The following LARP1 variants were observed in gnomAD, a reference collection of about 807,000 sequenced individuals.
The protein encoded by LARP1 is La ribonucleoprotein 1, translational regulator.
A neutral mutation model predicts 122.7 loss-of-function variants in LARP1; 36 were observed. That is an observed-to-expected ratio of 0.29 (90% confidence interval 0.22 to 0.39). The LOEUF is 0.39. Ranked by LOEUF, LARP1 falls within the 10% of genes least tolerant of loss-of-function variation. The pLI is 1.00. For synonymous variants in LARP1, 539 were observed against 528.7 expected (o/e 1.02, Z -0.27); for missense variants, 1,040 against 1,403.6 (o/e 0.74, Z 4.14).
chr5:154,801,130 T>TA (rs1300349193), intron 10 of LARP1, among the ~76,000 whole-genome samples: 1 of 152,244 alleles, frequency 6.6e-6, no homozygotes, highest in African/African-American at 2.4e-5. Context: ...TTTGAATAAA[T>TA]ACTGTGGGTT....
chr5:154,779,264 G>A (rs1756198195), intron 1 of LARP1, among the ~76,000 whole-genome samples: 1 of 152,124 alleles, frequency 6.6e-6, no homozygotes, highest in South Asian at 2.1e-4. Flanking sequence ...TCTCATTGAT[G>A]TGTGGCCCAG....
chr5:154,766,097 G>GA (rs2113629670), intron 1 of LARP1, among the ~76,000 whole-genome samples: 1 of 152,346 alleles, frequency 6.6e-6, no homozygotes, highest in South Asian at 2.1e-4. Flanking sequence ...AGAGAACTCA[G>GA]TTTTGGTTGA....
intron 1 of LARP1, among the ~76,000 whole-genome samples, chr5:154,745,023 T>A: frequency 6.6e-6 from 1 of 151,100 alleles, no homozygotes; most frequent in East Asian, 2.0e-4. Flanking sequence ...ACCTCCCGGG[T>A]TGAAGCGATC....
intron 1 of LARP1, among the ~76,000 whole-genome samples, chr5:154,772,887 G>A (rs753946949): frequency 4.0e-5 from 6 of 151,206 alleles, no homozygotes; most frequent in African/African-American, 7.3e-5. Flanking sequence ...GGGTTTTTCC[G>A]TGTCGGTCAG....
At chr5:154,707,771 CACCCAAAGTGGGTTGCTT>C (rs1488168284) in intron 1 of LARP1, among the ~76,000 whole-genome samples, 3 of 152,138 alleles carry the variant, frequency 2.0e-5, no homozygotes, top group Admixed American at 6.6e-5. Flanking sequence ...GAGATAGTGA[CACCCAAAGTGGGTTGCTT>C]ATGTCCAGTC....
intron 14 of LARP1, chr5:154,805,040 G>A (rs2113846818): frequency 2.6e-6 from 1 of 387,522 alleles, no homozygotes; most frequent in Admixed American, 3.1e-5. Flanking sequence ...ATTAGCACAT[G>A]TTTTGCATAT....
At chr5:154,712,880 C>A in exon 1 of LARP1, 1 of 1,566,266 alleles carries the variant, frequency 6.4e-7, no homozygotes, top group Non-Finnish European at 8.8e-7. Context: ...CTGGATGTAC[C>A]TAAACCCTCC....
At chr5:154,779,250 T>G (rs1199737223) in intron 1 of LARP1, among the ~76,000 whole-genome samples, 1 of 152,208 alleles carries the variant, frequency 6.6e-6, no homozygotes, top group Non-Finnish European at 1.5e-5. Context: ...CCTAGTTGCT[T>G]GGCTCTCATT....
intron 1 of LARP1, among the ~76,000 whole-genome samples, chr5:154,744,703 T>G (rs2113478014): frequency 1.0e-5 from 1 of 99,750 alleles, no homozygotes; most frequent in East Asian, 2.9e-4. Flanking sequence ...AGTGGCGGGA[T>G]CTCGGCTCAC....
At chr5:154,769,620 G>T (rs1471514192) in intron 1 of LARP1, among the ~76,000 whole-genome samples, 1 of 152,178 alleles carries the variant, frequency 6.6e-6, no homozygotes, top group African/African-American at 2.4e-5. Context: ...GTTAAGGGAT[G>T]GGCTTGCCAG....
chr5:154,812,299 A>G (rs1218855906), intron 18 of LARP1, among the ~76,000 whole-genome samples: 1 of 152,210 alleles, frequency 6.6e-6, no homozygotes, highest in East Asian at 1.9e-4. Context: ...CTAGCCCTTA[A>G]CATTTTGTAT....
chr5:154,817,378 A>G lies in LARP1; in HGVS notation c.*3282A>G, dbSNP rs775914636. ...AGGTTCCACCTTACGCTCGTAGTAC[A>G]TTATCTTTACTATGTGCTAGGATAT... On this transcript the variant is annotated 3_prime_UTR_variant, in exon 19 of 19. Transcript: ENST00000518297. 6.6e-6 allele frequency: 1 copy of G among 152,652 alleles called. No individual in the cohort carries two copies. Among genetic ancestry groups the G allele is most frequent in the Non-Finnish European group, 1.5e-5 (1 of 68,044 alleles). 9.5% of individuals were successfully genotyped at this position (152,652 alleles called of 1,614,324 possible).
chr5:154,698,189 A>G (rs1371215849), intron 1 of LARP1, among the ~76,000 whole-genome samples: 2 of 152,220 alleles, frequency 1.3e-5, no homozygotes, highest in Non-Finnish European at 2.9e-5. Context: ...TTCAATACAT[A>G]TATACAATGT....
At chr5:154,805,206 C>T (rs1758669493) in intron 14 of LARP1, 1 of 257,034 alleles carries the variant, frequency 3.9e-6, no homozygotes, top group African/African-American at 2.3e-5. Context: ...TGTACACATA[C>T]CTCTGAACCT....
upstream of LARP1, among the ~76,000 whole-genome samples, chr5:154,708,665 G>C (rs1335917118): frequency 1.3e-5 from 2 of 152,144 alleles, no homozygotes; most frequent in Admixed American, 1.3e-4. Context: ...CCAGGCTGGA[G>C]TGCAATGGTG....
chr5:154,767,161 T>C (rs1755020436), intron 1 of LARP1, among the ~76,000 whole-genome samples: 1 of 152,166 alleles, frequency 6.6e-6, no homozygotes, highest in Non-Finnish European at 1.5e-5. Context: ...TGAGTGCCCT[T>C]GGATAGGTTG....
At chr5:154,793,770 A>C in intron 5 of LARP1, 30 bp from the exon 6 acceptor site, 1 of 1,614,122 alleles carries the variant, frequency 6.2e-7, no homozygotes, top group Non-Finnish European at 8.5e-7. Context: ...AGACACCCTC[A>C]GGCCTGACCT....
intron 1 of LARP1, among the ~76,000 whole-genome samples, chr5:154,764,617 A>AC (rs1489795480): frequency 6.7e-6 from 1 of 149,478 alleles, no homozygotes; most frequent in Non-Finnish European, 1.5e-5. Flanking sequence ...AAAAAAAAAA[A>AC]AAACTGGCTG....
At chr5:154,788,357 G>A (rs1757052142) in intron 1 of LARP1, among the ~76,000 whole-genome samples, 1 of 152,196 alleles carries the variant, frequency 6.6e-6, no homozygotes, top group Admixed American at 6.5e-5. Context: ...GCTCTCAAAG[G>A]CATGTGGGGT....
Sources: allele counts gnomAD v4.1 joint callset (sites outside exome capture counted in the v4.1 genomes callset), GRCh38; gene constraint gnomAD v4.1.1; transcripts MANE v1.5; gene names NCBI Gene and HGNC (gene_info 2026-07-23, HGNC 2026-07-21).